ALG6: variants seen among roughly 807,000 people sequenced by gnomAD.
ALG6 encodes the protein ALG6 alpha-1,3-glucosyltransferase, also known as dolichyl pyrophosphate Man9GlcNAc2 alpha-1,3-glucosyltransferase.
ALG6 carries 46 observed loss-of-function variants against 66.6 expected under a neutral mutation model. The observed-to-expected ratio is 0.69, with a 90% CI of 0.55 to 0.88. The LOEUF (loss-of-function observed/expected upper bound fraction) is 0.88, where lower values mean the gene tolerates loss of function less well. Among genes scored for constraint, ALG6 ranks in the 40% least tolerant of loss-of-function variants. The pLI, the probability that ALG6 is intolerant of heterozygous loss-of-function variation, is 0.00. For synonymous variants in ALG6, 185 were observed against 203.7 expected (o/e 0.91, Z 0.78); for missense variants, 505 against 586.8 (o/e 0.86, Z 1.44).
intron 3 of ALG6, among the ~76,000 whole-genome samples, chr1:63,400,663 AG>A (rs1186431963): frequency 6.6e-6 from 1 of 152,022 alleles, no homozygotes; most frequent in African/African-American, 2.4e-5. Flanking sequence ...ATGAAAAAAT[AG>A]GTTTTGTCTA....
At chr1:63,403,094 CAAAAAAAAAAAAAA>C (rs1160526296) in intron 4 of ALG6, among the ~76,000 whole-genome samples, 2 of 65,322 alleles carry the variant, frequency 3.1e-5, no homozygotes, top group Admixed American at 1.7e-4. Flanking sequence ...GACTCCATCT[CAAAAAAAAAAAAAA>C]AAAAAAAAAA....
chr1:63,384,663 G>T (rs1206340029), intron 2 of ALG6, among the ~76,000 whole-genome samples: 1 of 152,134 alleles, frequency 6.6e-6, no homozygotes, highest in African/African-American at 2.4e-5. Flanking sequence ...TTTGATTTTT[G>T]TATCTGATGA....
At chr1:63,372,948 G>A (rs1008846632) in intron 2 of ALG6, among the ~76,000 whole-genome samples, 3 of 150,934 alleles carry the variant, frequency 2.0e-5, no homozygotes, top group African/African-American at 7.3e-5. Context: ...ATGAGCCACC[G>A]TGCCTGGCCT....
intron 14 of ALG6, chr1:63,429,619 G>C (rs529357402): frequency 4.0e-4 from 62 of 156,708 alleles, no homozygotes; most frequent in Non-Finnish European, 1.3e-4. Flanking sequence ...TGCTTTATGT[G>C]TCACACATGG....
chr1:63,429,062 T>C lies in ALG6; in HGVS notation c.1262T>C (p.Phe421Ser). The change falls in exon 14 of 15, where the codon TTT (phenylalanine) becomes TCT (serine). Residue 421 changes from phenylalanine (F) to serine (S), a missense_variant. Phe to Ser is a radical substitution (Grantham distance 155). Coordinates refer to ENST00000263440, the MANE Select transcript of ALG6 (RefSeq NM_013339.4). ...GAAGAAGAACTGCAGTTGAAATCCT[T>C]TTCCATTTCTGTGAGGAAATATCTT... ...TSEEELQLKS[F>S]SISVRKYLPC... 2 of 1,605,778 alleles carry C rather than the reference T, an allele frequency of 1.2e-6. No individual in the cohort carries two copies. The highest frequency in any genetic ancestry group is 2.2e-5 in the East Asian group (1 of 44,666).
At chr1:63,376,321 A>G (rs1287551079) in intron 2 of ALG6, among the ~76,000 whole-genome samples, 1 of 152,128 alleles carries the variant, frequency 6.6e-6, no homozygotes, top group Non-Finnish European at 1.5e-5. Context: ...TTATGGGACC[A>G]TCATTGTTTA....
At chr1:63,381,266 A>G (rs907241485) in intron 2 of ALG6, among the ~76,000 whole-genome samples, 2 of 152,208 alleles carry the variant, frequency 1.3e-5, no homozygotes, top group Admixed American at 1.3e-4. Flanking sequence ...CATCCTGGCT[A>G]ACACGGTGAA....
At chr1:63,436,078 C>T (rs1177962923) in intron 14 of ALG6, among the ~76,000 whole-genome samples, 1 of 152,110 alleles carries the variant, frequency 6.6e-6, no homozygotes, top group Non-Finnish European at 1.5e-5. Context: ...TCATTGAAAG[C>T]ATTTAGCGAA....
At chr1:63,403,922 C>A (rs1051953703) in intron 4 of ALG6, among the ~76,000 whole-genome samples, 1 of 151,988 alleles carries the variant, frequency 6.6e-6, no homozygotes, top group Non-Finnish European at 1.5e-5. Context: ...TTAATATTTG[C>A]AAAAATAAGC....
intron 4 of ALG6, among the ~76,000 whole-genome samples, chr1:63,403,329 A>G (rs1644474819): frequency 6.6e-6 from 1 of 152,156 alleles, no homozygotes. Context: ...GTTACCAACT[A>G]ATCTGTCAAG....
chr1:63,424,341 A>G (rs371948765), intron 12 of ALG6, among the ~76,000 whole-genome samples: 15 of 152,132 alleles, frequency 9.9e-5, no homozygotes, highest in African/African-American at 2.2e-4. Context: ...GGGTTTCACT[A>G]TGTTGGCCAG....
chr1:63,426,960 A>G (rs1466133145), intron 12 of ALG6, among the ~76,000 whole-genome samples: 2 of 152,198 alleles, frequency 1.3e-5, no homozygotes, highest in East Asian at 1.9e-4. Flanking sequence ...TGAGCTTGCT[A>G]TTAATATGCG....
intron 2 of ALG6, among the ~76,000 whole-genome samples, chr1:63,378,225 A>C (rs1347924381): frequency 6.6e-6 from 1 of 151,994 alleles, no homozygotes; most frequent in African/African-American, 2.4e-5. Flanking sequence ...TTTCAGTCTT[A>C]AAGTTTTGCT....
Position 63,416,759 on chromosome 1 carries a change from A to G in ALG6, c.987+802A>G, listed in dbSNP as rs185774220. ...GTTTAGGGTTTTTCTGAGTAGCTTT[A>G]CAAAGTCTTCTTGGTTGTGTTTCTA... is the stretch of plus-strand genomic sequence containing the variant. On this transcript the variant is annotated intron_variant, in intron 11 of 14. Transcript: ENST00000263440. Among the ~76,000 whole-genome samples the G allele has an allele frequency of 4.5e-4, 69 of 152,304 alleles. No homozygotes were observed. The East Asian group carries it at 0.013, about 29-fold the overall frequency.
At chr1:63,375,008 C>G (rs896075806) in intron 2 of ALG6, among the ~76,000 whole-genome samples, 4 of 151,986 alleles carry the variant, frequency 2.6e-5, no homozygotes, top group Non-Finnish European at 5.9e-5. Context: ...TCAGGAGTTC[C>G]AGACCAGCCT....
chr1:63,411,088 T>C, intron 7 of ALG6, 58 bp from the exon 8 acceptor site: 2 of 1,590,986 alleles, frequency 1.3e-6, no homozygotes, highest in South Asian at 2.2e-5. Context: ...TGATTTGCTT[T>C]TTAAAAGCTC....
At chr1:63,419,028 G>A (rs1333537870) in intron 11 of ALG6, among the ~76,000 whole-genome samples, 1 of 152,040 alleles carries the variant, frequency 6.6e-6, no homozygotes, top group African/African-American at 2.4e-5. Flanking sequence ...TGACCTTCTT[G>A]TCTTTCATGG....
intron 3 of ALG6, among the ~76,000 whole-genome samples, chr1:63,400,146 A>G (rs1344128934): frequency 7.1e-6 from 1 of 141,716 alleles, no homozygotes; most frequent in Non-Finnish European, 1.5e-5. Flanking sequence ...GTGAACCAAG[A>G]TCGCAACATT....
chr1:63,405,147 CAG>C (rs1644483849), intron 5 of ALG6, among the ~76,000 whole-genome samples: 1 of 152,034 alleles, frequency 6.6e-6, no homozygotes, highest in South Asian at 2.1e-4. Flanking sequence ...TAAATGTAGT[CAG>C]AGTTTGTTCT....
Sources: gnomAD v4.1 joint callset for allele counts (sites outside exome capture counted in the v4.1 genomes callset) on GRCh38, gnomAD v4.1.1 for gene constraint, MANE v1.5 for transcripts, NCBI Gene and HGNC (gene_info 2026-07-23, HGNC 2026-07-21) for gene names.